Variants in CSRP2 observed in about 807,000 individuals in gnomAD.
The protein encoded by CSRP2 is cysteine and glycine rich protein 2, also known as cysteine and glycine-rich protein 2.
CSRP2 carries 18 observed loss-of-function variants against 24.6 expected under a neutral mutation model. The observed-to-expected ratio is 0.73, with a 90% CI of 0.51 to 1.09. The LOEUF is 1.09. Among genes scored for constraint, CSRP2 ranks in the 50% least tolerant of loss-of-function variants. CSRP2 has a pLI of 0.00. For missense variants in CSRP2, 215 were observed against 239.4 expected (o/e 0.90, Z 0.67); for synonymous variants, 87 against 84.3 (o/e 1.03, Z -0.18).
intron 3 of CSRP2, chr12:76,861,383 A>ATTTTT: frequency 6.9e-6 from 1 of 144,720 alleles, no homozygotes; most frequent in African/African-American, 2.7e-5. Flanking sequence ...TTTTTTTTTA[A>ATTTTT]AAAAAGGAGG....
At chr12:76,864,117 T>A (rs1038554703) in intron 2 of CSRP2, 1 of 152,212 alleles carries the variant, frequency 6.6e-6, no homozygotes, top group Non-Finnish European at 1.5e-5. Flanking sequence ...TTTCCACGTG[T>A]CCCACTTCAT....
intron 3 of CSRP2, chr12:76,862,804 G>T (rs1953696041): frequency 1.4e-6 from 2 of 1,455,032 alleles, no homozygotes; most frequent in South Asian, 1.4e-5. Context: ...TTCATTGGCT[G>T]CTTACATTGC....
chr12:76,863,410 G>A lies in CSRP2; in HGVS notation c.113-66C>T. The A allele has an allele frequency of 3.3e-6, 5 of 1,509,386 alleles. No homozygotes were observed. The South Asian group carries it at 6.1e-5, about 18-fold the overall frequency. The allele number at this position is 1,509,386 out of a possible 1,614,324, so 93.5% of individuals were successfully genotyped here. ...TGCCTTTTTCCTTAGAACAATGGTG[G>A]CACAGACACATGGCCTACAAATGGT... On this transcript the variant is annotated intron_variant, in intron 2 of 5. Transcript: ENST00000311083.
At chr12:76,871,495 A>G (rs888982641) in intron 1 of CSRP2, among the ~76,000 whole-genome samples, 113 of 152,330 alleles carry the variant, frequency 7.4e-4, no homozygotes, top group African/African-American at 1.8e-3. Context: ...TTCAAGCCGG[A>G]TGCGGTGGCT....
Position 76,859,652 on chromosome 12 carries a change from G to A in CSRP2, c.412-12C>T. 2 of 1,601,322 alleles carry A rather than the reference G, an allele frequency of 1.2e-6. No individual in the cohort carries two copies. Among genetic ancestry groups the A allele is most frequent in the Non-Finnish European group, 1.7e-6 (2 of 1,171,546 alleles). On this transcript the variant is annotated splice_polypyrimidine_tract_variant and intron_variant, in intron 4 of 5. Transcript: ENST00000311083. ...TTTTTGTGCCAGGGCTGGAAGAGAT[G>A]AATGTGTCAGCATGTTTGAGAGGCC...
intron 1 of CSRP2, among the ~76,000 whole-genome samples, chr12:76,869,060 G>A (rs1045145142): frequency 7.2e-5 from 11 of 152,116 alleles, no homozygotes; most frequent in African/African-American, 2.4e-4. Flanking sequence ...AGAACAGACT[G>A]AGAATATAAA....
At chr12:76,875,443 T>C (rs535530218) in intron 1 of CSRP2, among the ~76,000 whole-genome samples, 1 of 152,338 alleles carries the variant, frequency 6.6e-6, no homozygotes, top group African/African-American at 2.4e-5. Flanking sequence ...CATATTGTAA[T>C]TAAAATGCAA....
intron 2 of CSRP2, 55 bp from the exon 3 acceptor site, chr12:76,863,399 G>A (rs1250669306): frequency 3.2e-6 from 5 of 1,559,816 alleles, no homozygotes; most frequent in East Asian, 4.5e-5. Context: ...TTTTTCCTTA[G>A]AACAATGGTG....
At chr12:76,869,852 C>T (rs1293288474) in intron 1 of CSRP2, among the ~76,000 whole-genome samples, 1 of 152,154 alleles carries the variant, frequency 6.6e-6, no homozygotes, top group Non-Finnish European at 1.5e-5. Context: ...GCGGTAAAAC[C>T]TAAGACATAA....
chr12:76,861,152 TGAG>T (rs1370501200), intron 3 of CSRP2: 1 of 151,862 alleles, frequency 6.6e-6, no homozygotes, highest in East Asian at 1.9e-4. Context: ...TCTCGGGCTT[TGAG>T]AAGACTTTTT....
At chr12:76,869,385 C>G (rs1044175300) in intron 1 of CSRP2, among the ~76,000 whole-genome samples, 1 of 152,142 alleles carries the variant, frequency 6.6e-6, no homozygotes, top group Non-Finnish European at 1.5e-5. Flanking sequence ...CAAACCATAG[C>G]AACCCCCAAC....
At chr12:76,873,037 A>G (rs570569935) in intron 1 of CSRP2, among the ~76,000 whole-genome samples, 1 of 152,358 alleles carries the variant, frequency 6.6e-6, no homozygotes, top group Admixed American at 6.5e-5. Context: ...TGAAATTCAA[A>G]TCTATATGTT....
chr12:76,862,221 T>A (rs1419781320), intron 3 of CSRP2: 4 of 152,050 alleles, frequency 2.6e-5, no homozygotes, highest in Non-Finnish European at 4.4e-5. Context: ...AATAGTGGAA[T>A]CACTGGGTTA....
intron 1 of CSRP2, among the ~76,000 whole-genome samples, chr12:76,873,101 G>A (rs1385357943): frequency 6.6e-6 from 1 of 152,174 alleles, no homozygotes; most frequent in Non-Finnish European, 1.5e-5. Context: ...GATTGAATTA[G>A]TCTATATTCT....
chr12:76,874,615 C>G (rs1313564890), intron 1 of CSRP2, among the ~76,000 whole-genome samples: 2 of 152,196 alleles, frequency 1.3e-5, no homozygotes, highest in Non-Finnish European at 2.9e-5. Context: ...AACCCCCAGG[C>G]CACAGACCGA....
At chr12:76,874,560 CG>C (rs1402217457) in intron 1 of CSRP2, among the ~76,000 whole-genome samples, 3 of 146,092 alleles carry the variant, frequency 2.1e-5, no homozygotes, top group East Asian at 3.9e-4. Context: ...TAGGAGCACT[CG>C]GGGCCTGAAT....
chr12:76,864,456 A>G (rs1321831971), intron 2 of CSRP2: 1 of 152,176 alleles, frequency 6.6e-6, no homozygotes, highest in Non-Finnish European at 1.5e-5. Context: ...TTGTACATTT[A>G]AAAATAAGAC....
At chr12:76,875,839 A>C (rs1953846885) in intron 1 of CSRP2, among the ~76,000 whole-genome samples, 1 of 152,238 alleles carries the variant, frequency 6.6e-6, no homozygotes, top group South Asian at 2.1e-4. Context: ...TAACAACTAA[A>C]GTAAGCACTA....
chr12:76,863,379 CAA>C (rs763065577), intron 2 of CSRP2, 35 bp from the exon 3 acceptor site: 1 of 1,604,690 alleles, frequency 6.2e-7, no homozygotes, highest in Non-Finnish European at 8.5e-7. Flanking sequence ...ACACATGTTC[CAA>C]AGATGCCTTT....
Sources: gnomAD v4.1 joint callset for allele counts (sites outside exome capture counted in the v4.1 genomes callset) on GRCh38, gnomAD v4.1.1 for gene constraint, MANE v1.5 for transcripts, NCBI Gene and HGNC (gene_info 2026-07-23, HGNC 2026-07-21) for gene names.